The following SAMD5 variants were observed in gnomAD, a reference collection of about 807,000 sequenced individuals.
The protein encoded by SAMD5 is sterile alpha motif domain containing 5, also known as sterile alpha motif domain-containing protein 5.
In SAMD5, 13 loss-of-function variants were observed where a neutral mutation model predicts 11.3. That is an observed-to-expected ratio of 1.15 (90% CI 0.75 to 1.83). The LOEUF is 1.83. SAMD5 is among the 40% of genes most tolerant of loss of function. The pLI, the probability that SAMD5 is intolerant of heterozygous loss-of-function variation, is 0.00. For missense variants in SAMD5, 255 were observed against 239.1 expected, an observed-to-expected ratio of 1.07 and a Z score of -0.44; for synonymous variants, 129 against 111.3, an observed-to-expected ratio of 1.16 and a Z score of -1.00.
chr6:147,525,717 T>A (rs977684186), intron 1 of SAMD5, among the ~76,000 whole-genome samples: 10 of 152,072 alleles, frequency 6.6e-5, no homozygotes, highest in Non-Finnish European at 1.0e-4. Context: ...TGTCACAAAG[T>A]CTGATGAAGA....
intron 1 of SAMD5, among the ~76,000 whole-genome samples, chr6:147,610,276 T>G (rs963899199): frequency 6.6e-6 from 1 of 152,174 alleles, no homozygotes; most frequent in Non-Finnish European, 1.5e-5. Flanking sequence ...GTTCCTATTA[T>G]TCCTAACTGA....
At chr6:147,837,177 G>A in the SAMD5 span, among the ~76,000 whole-genome samples, 2 of 152,104 alleles carry the variant, frequency 1.3e-5, no homozygotes, top group Non-Finnish European at 2.9e-5. Flanking sequence ...GATACTGTTG[G>A]TTGTTGGTGG....
chr6:147,762,516 CT>C, the SAMD5 span, among the ~76,000 whole-genome samples: 108,915 of 152,014 alleles, frequency 0.72, 39,401 homozygotes, highest in Middle Eastern at 0.77. Context: ...AATTACTGTA[CT>C]CTTTTATGTT....
chr6:147,750,479 C>G, the SAMD5 span, among the ~76,000 whole-genome samples: 3 of 152,162 alleles, frequency 2.0e-5, no homozygotes, highest in Non-Finnish European at 4.4e-5. Context: ...CCACATGTCT[C>G]CTGACTTTTC....
intron 1 of SAMD5, among the ~76,000 whole-genome samples, chr6:147,538,295 T>C (rs1350057497): frequency 2.6e-5 from 4 of 152,234 alleles, no homozygotes; most frequent in Non-Finnish European, 4.4e-5. Flanking sequence ...TCACTTTGCT[T>C]GAACTTCTAG....
At chr6:147,747,312 A>C in the SAMD5 span, among the ~76,000 whole-genome samples, 1 of 152,202 alleles carries the variant, frequency 6.6e-6, no homozygotes, top group Non-Finnish European at 1.5e-5. Context: ...TGAGTGGTCT[A>C]GGCCCTGAGG....
At chr6:147,519,811 C>G (rs922606089) in intron 1 of SAMD5, among the ~76,000 whole-genome samples, 1 of 152,184 alleles carries the variant, frequency 6.6e-6, no homozygotes, top group Non-Finnish European at 1.5e-5. Context: ...ACCATGAAAA[C>G]TTAACATGCA....
At chr6:147,909,614 TTC>T in the SAMD5 span, among the ~76,000 whole-genome samples, 4 of 77,272 alleles carry the variant, frequency 5.2e-5, no homozygotes, top group African/African-American at 3.2e-4. Flanking sequence ...CTTTCTTTCT[TTC>T]TTTCTTTCTT....
chr6:147,842,986 A>G, the SAMD5 span, among the ~76,000 whole-genome samples: 1 of 152,092 alleles, frequency 6.6e-6, no homozygotes, highest in Non-Finnish European at 1.5e-5. Flanking sequence ...CAGCCTCTCA[A>G]GTAGCTGGGA....
intron 1 of SAMD5, among the ~76,000 whole-genome samples, chr6:147,551,429 G>A (rs998505915): frequency 5.9e-5 from 9 of 152,248 alleles, no homozygotes; most frequent in South Asian, 2.1e-4. Context: ...TTCTTTTAAC[G>A]TAATTAAGTT....
At chr6:147,705,346 A>G in intron 1 of SAMD5, among the ~76,000 whole-genome samples, 1 of 152,192 alleles carries the variant, frequency 6.6e-6, no homozygotes, top group Non-Finnish European at 1.5e-5. Flanking sequence ...AAGAATAACC[A>G]TCAACTCCTT....
chr6:147,789,278 AACACAC>A, the SAMD5 span, among the ~76,000 whole-genome samples: 2,016 of 141,168 alleles, frequency 0.014, 42 homozygotes, highest in African/African-American at 0.047. Context: ...TCTCTAGAAA[AACACAC>A]ACACACACAC....
chr6:147,846,635 C>T, the SAMD5 span, among the ~76,000 whole-genome samples: 58,357 of 152,020 alleles, frequency 0.38, 12,490 homozygotes, highest in African/African-American at 0.58. Flanking sequence ...GCCTGGCCAA[C>T]GTGGGGAAAC....
At chr6:147,809,820 T>C in the SAMD5 span, among the ~76,000 whole-genome samples, 2 of 152,348 alleles carry the variant, frequency 1.3e-5, no homozygotes, top group African/African-American at 4.8e-5. Flanking sequence ...GTAAAATGTT[T>C]AGCAGCCTTG....
the SAMD5 span, among the ~76,000 whole-genome samples, chr6:147,916,744 A>T: frequency 8.2e-6 from 1 of 121,452 alleles, no homozygotes; most frequent in Admixed American, 1.1e-4. Context: ...GTGTGATGTT[A>T]CCCTTCCTGT....
At chr6:147,626,361 A>G (rs1231324384) in intron 1 of SAMD5, among the ~76,000 whole-genome samples, 1 of 152,020 alleles carries the variant, frequency 6.6e-6, no homozygotes, top group Non-Finnish European at 1.5e-5. Context: ...TTAAACCTCA[A>G]AAATCCCAAT....
chr6:147,785,686 A>G, the SAMD5 span, among the ~76,000 whole-genome samples: 29 of 152,192 alleles, frequency 1.9e-4, no homozygotes, highest in African/African-American at 6.8e-4. Flanking sequence ...TAGTGTGGTG[A>G]CATTTGAGGG....
chr6:147,569,880 A>AT lies in SAMD5; in HGVS notation c.*5432dup, dbSNP rs942059848. Reference sequence around the variant, plus strand: ...CACTTTCTTTTCCCTTTCAGTTATTATTTTTTTTAAAGGACGTTATGAGAA... The same window carrying AT: ...CACTTTCTTTTCCCTTTCAGTTATTATTTTTTTTTAAAGGACGTTATGAGAA... On this transcript the variant is annotated 3_prime_UTR_variant, in exon 2 of 2. Coordinates refer to ENST00000367474, the MANE Select transcript of SAMD5 (RefSeq NM_001030060.3). The AT allele has an allele frequency of 5.1e-6, 5 of 984,348 alleles. No homozygotes were observed. The highest frequency in any genetic ancestry group is 1.7e-5 in the African/African-American group (1 of 57,160). 61.0% of individuals were successfully genotyped at this position (984,348 alleles called of 1,614,324 possible). A position where few individuals can be genotyped will look rare whatever the true frequency, so the allele number is the denominator to read the frequency against.
At chr6:147,733,688 A>G (rs1441909965) in intron 1 of SAMD5, 2 of 351,016 alleles carry the variant, frequency 5.7e-6, no homozygotes, top group Non-Finnish European at 8.0e-6. Flanking sequence ...TGCTATACTA[A>G]ATGTTATATC....
Sources: allele counts gnomAD v4.1 joint callset (sites outside exome capture counted in the v4.1 genomes callset), GRCh38; gene constraint gnomAD v4.1.1; transcripts MANE v1.5; gene names NCBI Gene and HGNC (gene_info 2026-07-23, HGNC 2026-07-21).